CCDC59: variants seen among roughly 807,000 people sequenced by gnomAD.
The protein encoded by CCDC59 is thyroid transcription factor 1-associated protein 26.
A neutral mutation model predicts 30.5 loss-of-function variants in CCDC59; 27 were observed. The ratio of observed to expected loss-of-function variants is 0.89; its 90% confidence interval spans 0.65 to 1.22. CCDC59 has a LOEUF of 1.22. Among genes scored for constraint, CCDC59 ranks in the 50% most tolerant of loss-of-function variants. The pLI, the probability that CCDC59 is intolerant of heterozygous loss-of-function variation, is 0.00. For synonymous variants in CCDC59, 125 were observed against 100.9 expected, an observed-to-expected ratio of 1.24 and a Z score of -1.43; for missense variants, 362 against 284.4, an observed-to-expected ratio of 1.27 and a Z score of -1.96.
At position 82,358,236 on chromosome 12, in the gene CCDC59, C is replaced by G. The variant is rs368886304; in HGVS notation, c.141G>C (p.Gly47=). ...WRPNHPQAFV[G]SVREGQGFAF... Reference sequence around the variant, plus strand: ...CTTCTTACATACCCTCGCGAACGCTCCCCACGAAGGCTTGCGGGTGGTTAG... The same window carrying G: ...CTTCTTACATACCCTCGCGAACGCTGCCCACGAAGGCTTGCGGGTGGTTAG... Residue 47 remains glycine (G), a synonymous_variant, in exon 1 of 4, where the codon GGG becomes GGC. Coordinates refer to ENST00000256151, the MANE Select transcript of CCDC59 (RefSeq NM_014167.5). 3 of 1,614,098 alleles carry G rather than the reference C, an allele frequency of 1.9e-6. No individual in the cohort carries two copies. In the South Asian group the frequency reaches 3.3e-5, roughly 18 times the overall value.
chr12:82,358,108 T>G lies in CCDC59; in HGVS notation c.154+115A>C. 3 of 1,194,774 alleles carry G rather than the reference T, an allele frequency of 2.5e-6. No homozygotes were observed. In the East Asian group the frequency reaches 7.4e-5, roughly 30 times the overall value. 74.0% of individuals were successfully genotyped at this position (1,194,774 alleles called of 1,614,324 possible). A position where few individuals can be genotyped will look rare whatever the true frequency, so the allele number is the denominator to read the frequency against. On this transcript the variant is annotated intron_variant, in intron 1 of 3. Transcript: ENST00000256151. ...TTAGCGGGCTCAGGAATGAATTCCC[T>G]TGCCCCAAGTAGGACCGGGTCTGGT...
At chr12:82,358,490 T>A, upstream of CCDC59, 2 of 1,596,346 alleles carry the variant, frequency 1.3e-6, no homozygotes, top group South Asian at 2.2e-5. Flanking sequence ...CTACTGAGCC[T>A]GCCTGTGCTA....
At chr12:82,356,400 A>T (rs894239304) in intron 2 of CCDC59, among the ~76,000 whole-genome samples, 1 of 152,208 alleles carries the variant, frequency 6.6e-6, no homozygotes, top group South Asian at 2.1e-4. Context: ...CCTCATATAC[A>T]TTAACTCGCT....
upstream of CCDC59, chr12:82,358,541 C>G (rs200602435): frequency 1.2e-6 from 2 of 1,604,712 alleles, no homozygotes; most frequent in South Asian, 1.1e-5. Flanking sequence ...GTTTGCGCCA[C>G]CTACAGCCTC....
At position 82,353,276 on chromosome 12, in the gene CCDC59, G is replaced by A. The variant is rs1465410536; in HGVS notation, c.601C>T (p.Gln201Ter). 1.9e-6 allele frequency: 3 copies of A among 1,608,772 alleles called. No homozygotes were observed. The highest frequency in any genetic ancestry group is 4.5e-5 in the East Asian group (2 of 44,710). The change falls in exon 4 of 4, where the codon CAA (glutamine) becomes TAA (stop). Residue 201 changes from glutamine to a stop codon, truncating the protein, a stop_gained. Transcript: ENST00000256151. LOFTEE classifies it high-confidence loss of function. ...ATTTTCTTCTTTTTGTACTGCCTTT[G>A]GGCTTCTTCTCTCTCCTGTTTTCTC... ...ERRKQEREEA[Q>*]RQYKKKKMEV...
In CCDC59 at chr12:82,357,195, C is replaced by T. The variant is rs113127767; in HGVS notation, c.229G>A (p.Ala77Thr). 1.9e-6 allele frequency: 3 copies of T among 1,614,134 alleles called. No individual in the cohort carries two copies. In the Admixed American group the frequency reaches 5.0e-5, roughly 27 times the overall value. ...YKKLLRKEKK[A>T]QTSLESQFTD... The stretch of plus-strand genomic sequence containing the variant: ...AATTGAGATTCCAGTGACGTTTGAG[C>T]CTTCTTTTCCTTCCGTAGCAATTTC... The change falls in exon 2 of 4, where the codon GCT becomes ACT. Residue 77 changes from alanine (A) to threonine (T), a missense_variant. Physicochemically the swap from Ala to Thr is moderately conservative, Grantham distance 58 (BLOSUM62 0). Transcript: ENST00000256151.
intron 2 of CCDC59, among the ~76,000 whole-genome samples, chr12:82,356,665 C>A (rs888393939): frequency 6.6e-6 from 1 of 152,076 alleles, no homozygotes; most frequent in South Asian, 2.1e-4. Context: ...AGTTATTTTT[C>A]AAAAATATAG....
rs749758336 is a variant in CCDC59 at position 82,353,184 on chromosome 12, C to T, written c.693G>A (p.Glu231=). ...KGQPNLNVQM[E]YLLQKIQEKC Reference sequence around the variant, plus strand: ...TTTCTTGTATTTTTTGAAGAAGGTACTCCATTTGTACATTCAAGTTTGGTT... The same window carrying T: ...TTTCTTGTATTTTTTGAAGAAGGTATTCCATTTGTACATTCAAGTTTGGTT... The change falls in exon 4 of 4, where the codon GAG becomes GAA. Residue 231 remains glutamate (E), a synonymous_variant. Transcript: ENST00000256151. 5 of 1,605,168 alleles carry T rather than the reference C, an allele frequency of 3.1e-6. No individual in the cohort carries two copies. Among genetic ancestry groups the T allele is most frequent in the African/African-American group, 1.3e-5 (1 of 74,312 alleles).
At chr12:82,355,942 A>G (rs1447027960) in intron 2 of CCDC59, 1 of 152,184 alleles carries the variant, frequency 6.6e-6, no homozygotes, top group African/African-American at 2.4e-5. Flanking sequence ...TTATCAGAGA[A>G]TAACTCAAAT....
intron 1 of CCDC59, chr12:82,357,476 C>G: frequency 1.7e-6 from 1 of 573,358 alleles, no homozygotes. Context: ...ACCAGGCTAA[C>G]AGTCATGCGG....
chr12:82,355,727 G>A (rs983782292), intron 2 of CCDC59: 6 of 152,034 alleles, frequency 3.9e-5, no homozygotes. Flanking sequence ...AGATAACGGG[G>A]GACCACAATA....
chr12:82,354,721 T>TA, intron 2 of CCDC59, 127 bp from the exon 3 acceptor site: 1 of 688,726 alleles, frequency 1.5e-6, no homozygotes, highest in African/African-American at 1.9e-5. Context: ...CTTAGAGAAA[T>TA]ATTTCAACTA....
Position 82,357,370 on chromosome 12 carries a change from A to G in CCDC59, c.155-101T>C, listed in dbSNP as rs1881118018. 5.5e-6 allele frequency: 5 copies of G among 912,186 alleles called. No homozygotes were observed. The Admixed American group carries it at 8.1e-5, about 15-fold the overall frequency. The allele number at this position is 912,186 out of a possible 1,614,324, so 56.5% of individuals were successfully genotyped here. A position where few individuals can be genotyped will look rare whatever the true frequency, so the allele number is the denominator to read the frequency against. On this transcript the variant is annotated intron_variant, in intron 1 of 3. Transcript: ENST00000256151. ...ATGAAAACTTTTTTTACGTCATCAC[A>G]TTCAGATTCTAGTATTATATTTTGC...
rs773692127 is a variant in CCDC59 at position 82,358,273 on chromosome 12, TTCTG to T, written c.100_103del (p.Gln34ArgfsTer27). On this transcript the variant is annotated frameshift_variant, in exon 1 of 4. Transcript: ENST00000256151. LOFTEE classifies it high-confidence loss of function. ...TTGCGGGTGGTTAGGCCGCCATGTCTTCTGTCTCACATTCTTATTCCTGTACCCG... is the reference window on the plus strand; with the variant it reads ...TTGCGGGTGGTTAGGCCGCCATGTCTTCTCACATTCTTATTCCTGTACCCG... 8 of 1,614,202 alleles carry T rather than the reference TTCTG, an allele frequency of 5.0e-6. No individual in the cohort carries two copies. The highest frequency in any genetic ancestry group is 6.8e-6 in the Non-Finnish European group (8 of 1,180,024).
At chr12:82,358,586 C>G (rs760841619), upstream of CCDC59, 2 of 1,612,296 alleles carry the variant, frequency 1.2e-6, no homozygotes, top group Non-Finnish European at 1.7e-6. Flanking sequence ...CTTGCCCTCT[C>G]CCGGTGACCC....
chr12:82,356,506 T>A (rs1359326270), intron 2 of CCDC59, among the ~76,000 whole-genome samples: 1 of 152,240 alleles, frequency 6.6e-6, no homozygotes, highest in African/African-American at 2.4e-5. Flanking sequence ...CTCTGAAGTA[T>A]ATATTCATTA....
At chr12:82,358,587 C>G (rs765050015), upstream of CCDC59, 16 of 1,612,364 alleles carry the variant, frequency 9.9e-6, no homozygotes, top group Non-Finnish European at 1.4e-5. Flanking sequence ...TTGCCCTCTC[C>G]CGGTGACCCC....
rs1232281190 is a variant in CCDC59 at position 82,353,479 on chromosome 12, C to T, written c.565-167G>A. The stretch of plus-strand genomic sequence containing the variant: ...TGAAGCAAAGTACCCTCTTTGCCTT[C>T]ATATTATAATGACCCATGGTATAAC... On this transcript the variant is annotated intron_variant, in intron 3 of 3. Transcript: ENST00000256151. Among the ~76,000 whole-genome samples the T allele has an allele frequency of 2.0e-5, 3 of 152,124 alleles. No homozygotes were observed. The East Asian group carries it at 5.8e-4, about 29-fold the overall frequency.
chr12:82,358,340 CAGGCCGCCACT>C lies in CCDC59; in HGVS notation c.26_36del (p.Lys9ArgfsTer4), dbSNP rs1232841976. ...CCTTCACCACGCGCCTCAATACCAC[CAGGCCGCCACT>C]TCGCGGACCGCCTCACCGGCGCCAT... On this transcript the variant is annotated frameshift_variant, in exon 1 of 4. Coordinates refer to ENST00000256151, the MANE Select transcript of CCDC59 (RefSeq NM_014167.5). LOFTEE classifies it high-confidence loss of function. 3.7e-6 allele frequency: 6 copies of C among 1,613,866 alleles called. No homozygotes were observed. Among genetic ancestry groups the C allele is most frequent in the Non-Finnish European group, 5.1e-6 (6 of 1,180,044 alleles).
Sources: gnomAD v4.1 joint callset for allele counts (sites outside exome capture counted in the v4.1 genomes callset) on GRCh38, gnomAD v4.1.1 for gene constraint, MANE v1.5 for transcripts, NCBI Gene and HGNC (gene_info 2026-07-23, HGNC 2026-07-21) for gene names.